The following SLC38A4 variants were observed in gnomAD, a reference collection of about 807,000 sequenced individuals.
The protein encoded by SLC38A4 is sodium-coupled neutral amino acid transporter 4.
A neutral mutation model predicts 63.1 loss-of-function variants in SLC38A4; 20 were observed. The ratio of observed to expected loss-of-function variants is 0.32; its 90% CI spans 0.22 to 0.46. The LOEUF (loss-of-function observed/expected upper bound fraction) is 0.46, where lower values mean the gene tolerates loss of function less well. Among genes scored for constraint, SLC38A4 ranks in the 20% least tolerant of loss-of-function variants. The pLI, the probability that SLC38A4 is intolerant of heterozygous loss-of-function variation, is 1.00. For missense variants in SLC38A4, 526 were observed against 663.6 expected (o/e 0.79, Z 2.28); for synonymous variants, 230 against 225.5 (o/e 1.02, Z -0.18).
chr12:46,765,161 CT>C lies in SLC38A4; in HGVS notation c.*1539del, dbSNP rs1204616467. ...TATGATACTTGTACTTCATAATTGGCTTTACTAAAATATAAAATACACAAGT... is the reference window on the plus strand; with the variant it reads ...TATGATACTTGTACTTCATAATTGGCTTACTAAAATATAAAATACACAAGT... On this transcript the variant is annotated 3_prime_UTR_variant, in exon 17 of 17. Coordinates refer to ENST00000266579, the MANE Select transcript of SLC38A4 (RefSeq NM_018018.5). 6.5e-6 allele frequency: 1 copy of C among 152,760 alleles called. No homozygotes were observed. The allele number at this position is 152,760 out of a possible 1,614,324, so 9.5% of individuals were successfully genotyped here. A position where few individuals can be genotyped will look rare whatever the true frequency, so the allele number is the denominator to read the frequency against.
intron 1 of SLC38A4, among the ~76,000 whole-genome samples, chr12:46,821,414 G>A (rs1325514343): frequency 6.6e-6 from 1 of 151,988 alleles, no homozygotes; most frequent in African/African-American, 2.4e-5. Flanking sequence ...TGTTGAAGAG[G>A]CTATGTTTTC....
At chr12:46,769,219 C>T in intron 15 of SLC38A4, 65 bp downstream of exon 15, 2 of 1,570,650 alleles carry the variant, frequency 1.3e-6, no homozygotes, top group Non-Finnish European at 1.7e-6. Context: ...AGCACTGGTT[C>T]CCTGTCCATC....
intron 7 of SLC38A4, among the ~76,000 whole-genome samples, chr12:46,781,952 A>G (rs1938651296): frequency 6.6e-6 from 1 of 152,080 alleles, no homozygotes; most frequent in Admixed American, 6.6e-5. Flanking sequence ...AGTTTGAAAC[A>G]AATGTAAAGT....
intron 1 of SLC38A4, among the ~76,000 whole-genome samples, chr12:46,812,392 T>C (rs961659087): frequency 6.6e-6 from 1 of 152,066 alleles, no homozygotes; most frequent in Non-Finnish European, 1.5e-5. Context: ...TCCCTTTTTA[T>C]CTACATGAGA....
intron 2 of SLC38A4, among the ~76,000 whole-genome samples, chr12:46,802,959 C>T (rs1364922022): frequency 6.6e-6 from 1 of 152,018 alleles, no homozygotes; most frequent in Non-Finnish European, 1.5e-5. Context: ...AAATCTAAAG[C>T]TATGCTTATA....
At position 46,800,344 on chromosome 12, in the gene SLC38A4, A is replaced by T. The variant is rs549755382; in HGVS notation, c.-113+3259T>A. On this transcript the variant is annotated intron_variant, in intron 2 of 16. Coordinates refer to ENST00000266579, the MANE Select transcript of SLC38A4 (RefSeq NM_018018.5). The stretch of plus-strand genomic sequence containing the variant: ...TTAGACTAAAGTCAAATTTCCTAAT[A>T]CACTGGAAGGTCTATATACTTTGAC... Among the ~76,000 whole-genome samples the T allele has an allele frequency of 2.9e-4, 44 of 152,212 alleles. No homozygotes were observed. In the South Asian group the frequency reaches 8.1e-3, roughly 28 times the overall value.
At chr12:46,768,822 GAAAATTAATAGACCATGC>G (rs1938351672) in intron 15 of SLC38A4, among the ~76,000 whole-genome samples, 1 of 152,044 alleles carries the variant, frequency 6.6e-6, no homozygotes, top group African/African-American at 2.4e-5. Context: ...TGAGTAGAAT[GAAAATTAATAGACCATGC>G]AGTTATGGGG....
chr12:46,769,608 T>C (rs1938371236), intron 14 of SLC38A4, among the ~76,000 whole-genome samples, 180 bp from the exon 15 acceptor site: 1 of 152,116 alleles, frequency 6.6e-6, no homozygotes, highest in African/African-American at 2.4e-5. Context: ...ATTTACCATC[T>C]TAACCATTTT....
chr12:46,785,300 A>C, intron 5 of SLC38A4, 123 bp from the exon 6 acceptor site: 1 of 745,948 alleles, frequency 1.3e-6, no homozygotes, highest in South Asian at 1.8e-5. Flanking sequence ...AAGTATGTGG[A>C]TTTGGGGGAG....
intron 1 of SLC38A4, among the ~76,000 whole-genome samples, chr12:46,822,446 G>C (rs375733868): frequency 1.5e-4 from 23 of 152,220 alleles, no homozygotes; most frequent in East Asian, 7.7e-4. Context: ...AATTAGGGTT[G>C]AGAGACAACT....
intron 1 of SLC38A4, among the ~76,000 whole-genome samples, chr12:46,818,389 T>A (rs553383146): frequency 4.6e-5 from 7 of 151,978 alleles, no homozygotes; most frequent in African/African-American, 1.7e-4. Context: ...ATGCTGATTA[T>A]TTTAGCTAAA....
At chr12:46,824,045 T>TA (rs1176139472) in intron 1 of SLC38A4, among the ~76,000 whole-genome samples, 8 of 152,232 alleles carry the variant, frequency 5.3e-5, no homozygotes, top group Admixed American at 5.2e-4. Flanking sequence ...GCCCTTGGGC[T>TA]AAAGATGCTG....
intron 12 of SLC38A4, among the ~76,000 whole-genome samples, chr12:46,777,255 A>C (rs1938548067): frequency 6.6e-6 from 1 of 152,020 alleles, no homozygotes. Flanking sequence ...TATTTCACGT[A>C]GGTCAGTAAG....
intron 4 of SLC38A4, among the ~76,000 whole-genome samples, 158 bp from the exon 5 acceptor site, chr12:46,788,189 T>A (rs570777632): frequency 3.9e-5 from 6 of 152,200 alleles, no homozygotes; most frequent in Non-Finnish European, 8.8e-5. Context: ...AATAAAAGCA[T>A]GTAATTTTCA....
chr12:46,815,539 G>A lies in SLC38A4; in HGVS notation c.-305+10364C>T, dbSNP rs1939426881. Among the ~76,000 whole-genome samples the A allele has an allele frequency of 2.0e-5, 3 of 151,726 alleles. 1 individual carries two copies. Among genetic ancestry groups the A allele is most frequent in the African/African-American group, 7.2e-5 (3 of 41,438 alleles). ...AATTTACAACCTTAGAATATGGCCT[G>A]GGATAGAGTAAGAGCTAAATAAATA... is the stretch of plus-strand genomic sequence containing the variant. On this transcript the variant is annotated intron_variant, in intron 1 of 16. Transcript: ENST00000266579.
chr12:46,766,957 G>T (rs1259925123), intron 16 of SLC38A4, among the ~76,000 whole-genome samples, 155 bp from the exon 17 acceptor site: 1 of 151,904 alleles, frequency 6.6e-6, no homozygotes. Context: ...AGTCAATTTA[G>T]AATCCTAGTT....
intron 12 of SLC38A4, 118 bp from the exon 13 acceptor site, chr12:46,777,122 A>G (rs1157548504): frequency 1.2e-6 from 1 of 809,070 alleles, no homozygotes; most frequent in African/African-American, 1.8e-5. Flanking sequence ...AGACATATTT[A>G]GTACATAAAC....
rs114507438 is a variant in SLC38A4 at position 46,808,228 on chromosome 12, C to T, written c.-304-4434G>A. On this transcript the variant is annotated intron_variant, in intron 1 of 16. Coordinates refer to ENST00000266579, the MANE Select transcript of SLC38A4 (RefSeq NM_018018.5). Reference sequence around the variant, plus strand: ...ATGAAGCCCCAAAGAGCTTTCAGCCCAGGCCCCTGGGAGAGGCTCTGATTT... The same window carrying T: ...ATGAAGCCCCAAAGAGCTTTCAGCCTAGGCCCCTGGGAGAGGCTCTGATTT... 6.7e-3 allele frequency among the ~76,000 whole-genome samples: 1,021 copies of T among 152,060 alleles called. 9 individuals are homozygous for T. Among genetic ancestry groups the T allele is most frequent in the African/African-American group, 0.022 (932 of 41,518 alleles).
intron 1 of SLC38A4, among the ~76,000 whole-genome samples, chr12:46,813,697 G>C (rs1939382579): frequency 6.6e-6 from 1 of 151,986 alleles, no homozygotes; most frequent in Admixed American, 6.6e-5. Context: ...AGATTCTGGA[G>C]CTCCACTGCC....
Sources: allele counts gnomAD v4.1 joint callset (sites outside exome capture counted in the v4.1 genomes callset), GRCh38; gene constraint gnomAD v4.1.1; transcripts MANE v1.5; gene names NCBI Gene and HGNC (gene_info 2026-07-23, HGNC 2026-07-21).